The following ZNF79 variants were observed in gnomAD, a reference collection of about 807,000 sequenced individuals.
ZNF79 encodes the protein zinc finger protein 79, also known as ZNFpT7.
ZNF79 carries 13 observed loss-of-function variants against 14.9 expected under a neutral mutation model. The observed-to-expected ratio is 0.87, with a 90% CI of 0.57 to 1.38. The LOEUF is 1.38. ZNF79 is among the 40% of genes most tolerant of loss of function. The probability of loss-of-function intolerance (pLI) is 0.00; values close to 1 mark genes in which losing one functional copy is unlikely to be tolerated. For missense variants in ZNF79, 631 were observed against 630.6 expected, an observed-to-expected ratio of 1.00 and a Z score of -0.01; for synonymous variants, 223 against 235.1, an observed-to-expected ratio of 0.95 and a Z score of 0.47.
chr9:127,437,252 C>G (rs546984147), intron 4 of ZNF79, among the ~76,000 whole-genome samples: 1 of 152,042 alleles, frequency 6.6e-6, no homozygotes, highest in Non-Finnish European at 1.5e-5. Flanking sequence ...TTACCTCCCC[C>G]TCATGGTGTG....
chr9:127,426,227 G>A (rs909028709), intron 1 of ZNF79, among the ~76,000 whole-genome samples: 6 of 152,038 alleles, frequency 3.9e-5, no homozygotes, highest in Non-Finnish European at 8.8e-5. Context: ...GAACATTTTT[G>A]TTATCTGAAG....
At position 127,445,055 on chromosome 9, in the gene ZNF79, A is replaced by T; in HGVS notation, c.1355A>T (p.Lys452Ile). The T allele has an allele frequency of 6.2e-7, 1 of 1,614,006 alleles. No individual in the cohort carries two copies. Among genetic ancestry groups the T allele is most frequent in the Non-Finnish European group, 8.5e-7 (1 of 1,180,010 alleles). ...CCTTATGAGTGTAATGAGTGTGGTA[A>T]AGCGTTTAACCAGAGCTCATCCCTT... ...EKPYECNECG[K>I]AFNQSSSLSQ... The change falls in exon 5 of 5, where the codon AAA (lysine) becomes ATA (isoleucine). Residue 452 changes from lysine (K) to isoleucine (I), a missense_variant. Transcript: ENST00000342483.
In ZNF79 at chr9:127,439,127, G is replaced by GAA. The variant is rs1834002986; in HGVS notation, c.328+3126_328+3127dup. 3.6e-4 allele frequency among the ~76,000 whole-genome samples: 18 copies of GAA among 49,374 alleles called. No individual in the cohort carries two copies. In the South Asian group the frequency reaches 6.7e-3, roughly 18 times the overall value. 32.4% of individuals were successfully genotyped at this position (49,374 alleles called of 152,430 possible). On this transcript the variant is annotated intron_variant, in intron 4 of 4. Transcript: ENST00000342483. ...ACTCTGTCACAAAAAAAAAGAAAAA[G>GAA]AAAGACTGTAGCAGTGGCTATGGGA... is the stretch of plus-strand genomic sequence containing the variant.
intron 1 of ZNF79, among the ~76,000 whole-genome samples, chr9:127,426,204 C>A (rs912360582): frequency 9.9e-5 from 15 of 152,156 alleles, no homozygotes; most frequent in African/African-American, 3.6e-4. Flanking sequence ...GCAACCATCA[C>A]TATTTAATTC....
At chr9:127,427,357 A>T (rs1286692613) in intron 1 of ZNF79, among the ~76,000 whole-genome samples, 2 of 149,012 alleles carry the variant, frequency 1.3e-5, no homozygotes, top group Non-Finnish European at 3.0e-5. Context: ...TGGGAGGTGG[A>T]GGTTGCAGTG....
intron 2 of ZNF79, among the ~76,000 whole-genome samples, 182 bp downstream of exon 2, chr9:127,429,102 C>T (rs1256025953): frequency 6.6e-6 from 1 of 152,210 alleles, no homozygotes; most frequent in Non-Finnish European, 1.5e-5. Flanking sequence ...GCAACCTCCA[C>T]ATGCTGGGTT....
intron 1 of ZNF79, 164 bp from the exon 2 acceptor site, chr9:127,428,668 G>A: frequency 1.6e-6 from 2 of 1,242,982 alleles, no homozygotes; most frequent in Admixed American, 4.2e-5. Context: ...TGAGTGAGTT[G>A]ATGGAATTTC....
chr9:127,442,883 G>A (rs1209304939), intron 4 of ZNF79, among the ~76,000 whole-genome samples: 1 of 152,080 alleles, frequency 6.6e-6, no homozygotes, highest in East Asian at 1.9e-4. Context: ...GTGTGTGTGT[G>A]TGGCACTATT....
intron 2 of ZNF79, among the ~76,000 whole-genome samples, chr9:127,431,343 A>AC (rs1255286505): frequency 1.4e-5 from 2 of 146,444 alleles, no homozygotes; most frequent in Non-Finnish European, 3.0e-5. Context: ...TGCAGCCTCC[A>AC]CCCCCCCAAT....
intron 4 of ZNF79, among the ~76,000 whole-genome samples, chr9:127,437,772 C>T (rs996736284): frequency 3.3e-5 from 5 of 151,878 alleles, no homozygotes; most frequent in African/African-American, 4.8e-5. Flanking sequence ...GTGGCATTCT[C>T]GATCTGTGTC....
At chr9:127,426,805 G>A (rs986464924) in intron 1 of ZNF79, among the ~76,000 whole-genome samples, 2 of 152,090 alleles carry the variant, frequency 1.3e-5, no homozygotes, top group African/African-American at 4.8e-5. Flanking sequence ...GATTTCTCTT[G>A]GGCATATACT....
At chr9:127,439,113 A>G (rs1170823782) in intron 4 of ZNF79, among the ~76,000 whole-genome samples, 2 of 151,860 alleles carry the variant, frequency 1.3e-5, no homozygotes, top group Non-Finnish European at 2.9e-5. Flanking sequence ...CTCTGTCACA[A>G]AAAAAAAGAA....
chr9:127,441,395 G>A (rs1044725221), intron 4 of ZNF79, among the ~76,000 whole-genome samples: 2 of 152,176 alleles, frequency 1.3e-5, no homozygotes, highest in East Asian at 3.8e-4. Flanking sequence ...TGAGGGAGCT[G>A]CTTTCACAGG....
chr9:127,445,334 A>G lies in ZNF79; in HGVS notation c.*137A>G. 1 of 817,050 alleles carries G rather than the reference A, an allele frequency of 1.2e-6. No individual in the cohort carries two copies. Among genetic ancestry groups the G allele is most frequent in the Non-Finnish European group, 1.9e-6 (1 of 527,408 alleles). The allele number at this position is 817,050 out of a possible 1,614,324, so 50.6% of individuals were successfully genotyped here. The stretch of plus-strand genomic sequence containing the variant: ...AGTCTGCAGCCCAGAGCCACATGCA[A>G]AACACCTTCAATAAACAGCCACTAT... On this transcript the variant is annotated 3_prime_UTR_variant, in exon 5 of 5. Coordinates refer to ENST00000342483, the MANE Select transcript of ZNF79 (RefSeq NM_007135.3).
intron 1 of ZNF79, among the ~76,000 whole-genome samples, chr9:127,427,828 G>C (rs578141872): frequency 1.3e-4 from 20 of 152,000 alleles, no homozygotes; most frequent in Non-Finnish European, 2.6e-4. Context: ...TCACTTTCTT[G>C]ACAGAGCCTG....
At chr9:127,440,667 A>C (rs1248967623) in intron 4 of ZNF79, among the ~76,000 whole-genome samples, 2 of 152,218 alleles carry the variant, frequency 1.3e-5, no homozygotes, top group African/African-American at 4.8e-5. Flanking sequence ...ATGTGTGAAG[A>C]ATGGACATTC....
At position 127,428,820 on chromosome 9, in the gene ZNF79, C is replaced by G. The variant is rs1485231015; in HGVS notation, c.17-12C>G. ...TGCTTTTAACATTATTAGTTTTTTT[C>G]TCTTTCTCTAGTACTGCCTTCCCCA... On this transcript the variant is annotated splice_polypyrimidine_tract_variant and intron_variant, in intron 1 of 4. Coordinates refer to ENST00000342483, the MANE Select transcript of ZNF79 (RefSeq NM_007135.3). 2.6e-6 allele frequency: 4 copies of G among 1,561,606 alleles called. No homozygotes were observed. The South Asian group carries it at 4.8e-5, about 19-fold the overall frequency.
At chr9:127,439,430 G>A (rs571429499) in intron 4 of ZNF79, among the ~76,000 whole-genome samples, 17 of 152,284 alleles carry the variant, frequency 1.1e-4, no homozygotes, top group African/African-American at 3.9e-4. Flanking sequence ...TAAGCTATAT[G>A]ATAGTGAACA....
intron 1 of ZNF79, among the ~76,000 whole-genome samples, chr9:127,425,867 A>G (rs910008462): frequency 6.6e-6 from 1 of 152,244 alleles, no homozygotes; most frequent in Non-Finnish European, 1.5e-5. Flanking sequence ...TGCTGGGATT[A>G]CAGGCGTGAG....
Sources: allele counts gnomAD v4.1 joint callset (sites outside exome capture counted in the v4.1 genomes callset), GRCh38; gene constraint gnomAD v4.1.1; transcripts MANE v1.5; gene names NCBI Gene and HGNC (gene_info 2026-07-23, HGNC 2026-07-21).